MAMLD1: variants seen among roughly 807,000 people sequenced by gnomAD.
The protein encoded by MAMLD1 is mastermind-like domain-containing protein 1.
Under a neutral mutation model 45.0 loss-of-function variants are expected in MAMLD1, and 14 were observed. The observed-to-expected ratio is 0.31, with a 90% CI of 0.21 to 0.49. The LOEUF is 0.49. Ranked by LOEUF, MAMLD1 falls within the 20% of genes least tolerant of loss-of-function variation. The pLI is 0.99. For missense variants in MAMLD1, 543 were observed against 603.6 expected, an observed-to-expected ratio of 0.90 and a Z score of 1.05; for synonymous variants, 254 against 247.8, an observed-to-expected ratio of 1.02 and a Z score of -0.24.
At chrX:150,451,836 G>T (rs1041196476) in intron 2 of MAMLD1, among the ~76,000 whole-genome samples, 1 of 111,073 alleles carries the variant, frequency 9.0e-6, no homozygotes, top group Non-Finnish European at 1.9e-5. Flanking sequence ...AACCCAAGGC[G>T]CAGGCATGTC....
At chrX:150,426,461 T>C (rs2034706287) in intron 1 of MAMLD1, among the ~76,000 whole-genome samples, 2 of 112,382 alleles carry the variant, frequency 1.8e-5, no homozygotes, top group African/African-American at 6.5e-5. Flanking sequence ...AAAATTTCCA[T>C]GAAGATGCTG....
rs374510487 is a variant in MAMLD1 at position 150,421,359 on chromosome X, C to G, written c.-63-24095C>G. 8.9e-5 allele frequency among the ~76,000 whole-genome samples: 10 copies of G among 112,627 alleles called. No homozygotes were observed. In the East Asian group the frequency reaches 2.2e-3, roughly 25 times the overall value. On this transcript the variant is annotated intron_variant, in intron 1 of 7. Coordinates refer to ENST00000370401, the MANE Select transcript of MAMLD1 (RefSeq NM_005491.5). ...CTGGCACTCCCTAGTGAGATGAACC[C>G]GGTACCTCAGATGGAAATGGAGAAA...
chrX:150,470,595 G>T lies in MAMLD1; in HGVS notation c.1022G>T (p.Arg341Leu). 3 of 1,211,123 alleles carry T rather than the reference G, an allele frequency of 2.5e-6. No individual in the cohort carries two copies. Reference protein sequence around the residue: ...LPPPGLSPPYRPVPSPHPPPL... With the variant: ...LPPPGLSPPYLPVPSPHPPPL... ...CCTCCAGGACTCTCTCCACCTTACC[G>T]CCCAGTGCCATCACCACACCCACCA... The change falls in exon 4 of 8, where the codon CGC becomes CTC. Residue 341 changes from arginine (R) to leucine (L), a missense_variant. Arg to Leu is a moderately radical substitution (Grantham distance 102). Transcript: ENST00000370401.
At chrX:150,473,631 C>T (rs782565734) in intron 4 of MAMLD1, 49 bp from the exon 5 acceptor site, 10 of 1,197,316 alleles carry the variant, frequency 8.4e-6, no homozygotes, top group East Asian at 5.9e-5. Flanking sequence ...ACCTGGGGCT[C>T]GGGCCCTGGT....
At chrX:150,419,547 A>G (rs372236817) in intron 1 of MAMLD1, among the ~76,000 whole-genome samples, 7,086 of 105,841 alleles carry the variant, frequency 0.067, 347 homozygotes, top group African/African-American at 0.16. Flanking sequence ...TGGTCTTTAC[A>G]TTTTGGCATG....
At chrX:150,444,950 A>G (rs1274115157) in intron 1 of MAMLD1, among the ~76,000 whole-genome samples, 1 of 111,599 alleles carries the variant, frequency 9.0e-6, no homozygotes, top group African/African-American at 3.3e-5. Flanking sequence ...GCTGTATCCT[A>G]ACAGTGCCAC....
chrX:150,438,532 C>A (rs1042559067), intron 1 of MAMLD1, among the ~76,000 whole-genome samples: 1 of 112,165 alleles, frequency 8.9e-6, no homozygotes. Context: ...CCCCTCAGTT[C>A]GTGGCAACCA....
intron 1 of MAMLD1, among the ~76,000 whole-genome samples, chrX:150,438,211 A>G (rs1557404358): frequency 8.9e-6 from 1 of 112,203 alleles, no homozygotes; most frequent in African/African-American, 3.2e-5. Flanking sequence ...AATGCCCAGG[A>G]GTGCAATTAC....
chrX:150,461,087 A>G (rs1046331759), intron 2 of MAMLD1, among the ~76,000 whole-genome samples: 16 of 113,136 alleles, frequency 1.4e-4, no homozygotes, highest in African/African-American at 5.1e-4. Context: ...ATATGCCCTC[A>G]TCAGCCAAAT....
At chrX:150,389,958 A>G (rs1270775585) in intron 1 of MAMLD1, among the ~76,000 whole-genome samples, 1 of 112,526 alleles carries the variant, frequency 8.9e-6, no homozygotes, top group East Asian at 2.8e-4. Context: ...CTTTTGTAAA[A>G]TTAATATTTG....
intron 4 of MAMLD1, among the ~76,000 whole-genome samples, chrX:150,472,468 C>T (rs2036459295): frequency 8.9e-6 from 1 of 112,464 alleles, no homozygotes; most frequent in East Asian, 2.8e-4. Flanking sequence ...GATCTGCTTC[C>T]AAGCCCACTC....
intron 5 of MAMLD1, among the ~76,000 whole-genome samples, chrX:150,489,663 G>C (rs1184385847): frequency 1.8e-5 from 2 of 109,161 alleles, no homozygotes; most frequent in Non-Finnish European, 3.8e-5. Context: ...GGCAGTGGGG[G>C]TGTGGCAGAG....
intron 6 of MAMLD1, chrX:150,504,067 A>G (rs914949374): frequency 4.1e-5 from 31 of 753,930 alleles, no homozygotes; most frequent in Non-Finnish European, 4.9e-5. Flanking sequence ...GCCCTGCTGG[A>G]GGACTGGCAG....
At chrX:150,509,646 C>T in intron 6 of MAMLD1, 1 of 302,522 alleles carries the variant, frequency 3.3e-6, no homozygotes. Flanking sequence ...CATCTCACTG[C>T]TGACCCATCC....
intron 2 of MAMLD1, among the ~76,000 whole-genome samples, chrX:150,446,969 G>A (rs981671819): frequency 5.3e-5 from 6 of 112,236 alleles, no homozygotes; most frequent in African/African-American, 1.9e-4. Flanking sequence ...GGATGCAGGG[G>A]TCCTCTTCCC....
intron 1 of MAMLD1, among the ~76,000 whole-genome samples, chrX:150,429,872 T>C (rs2034856977): frequency 1.8e-5 from 2 of 110,390 alleles, no homozygotes; most frequent in African/African-American, 3.3e-5. Context: ...TGGTATCTCA[T>C]TGTGGTTTTA....
chrX:150,443,897 G>T (rs1028217645), intron 1 of MAMLD1, among the ~76,000 whole-genome samples: 1 of 111,918 alleles, frequency 8.9e-6, no homozygotes, highest in East Asian at 2.8e-4. Flanking sequence ...GGCATCTGCC[G>T]ATAATATTTT....
At chrX:150,508,631 C>A (rs1274640630) in intron 6 of MAMLD1, among the ~76,000 whole-genome samples, 9 of 112,973 alleles carry the variant, frequency 8.0e-5, no homozygotes, top group Middle Eastern at 4.6e-3. Context: ...GAGAGCCGGG[C>A]ACAGTCCCAA....
intron 2 of MAMLD1, among the ~76,000 whole-genome samples, chrX:150,447,240 C>T: frequency 8.9e-6 from 1 of 112,404 alleles, no homozygotes; most frequent in Admixed American, 9.4e-5. Flanking sequence ...TAGAGTCACA[C>T]TTTGGATTTG....
Sources: allele counts gnomAD v4.1 joint callset (sites outside exome capture counted in the v4.1 genomes callset), GRCh38; gene constraint gnomAD v4.1.1; transcripts MANE v1.5; gene names NCBI Gene and HGNC (gene_info 2026-07-23, HGNC 2026-07-21).